SLC22A15: variants seen among roughly 807,000 people sequenced by gnomAD.
The protein encoded by SLC22A15 is solute carrier family 22 member 15.
A neutral mutation model predicts 62.7 loss-of-function variants in SLC22A15; 45 were observed. The observed-to-expected ratio is 0.72, with a 90% CI of 0.56 to 0.92. The LOEUF (loss-of-function observed/expected upper bound fraction) is 0.92. Ranked by LOEUF, SLC22A15 falls within the 40% of genes least tolerant of loss-of-function variation. SLC22A15 has a pLI of 0.00. For missense variants in SLC22A15, 622 were observed against 665.6 expected (o/e 0.93, Z 0.72); for synonymous variants, 264 against 267.0 (o/e 0.99, Z 0.11).
chr1:116,060,159 GCC>G (rs1658342143), intron 8 of SLC22A15, among the ~76,000 whole-genome samples: 3 of 152,262 alleles, frequency 2.0e-5, no homozygotes, highest in Admixed American at 2.0e-4. Flanking sequence ...CAGCCCAGCA[GCC>G]CCACAGGCAG....
intron 8 of SLC22A15, among the ~76,000 whole-genome samples, chr1:116,041,241 C>T (rs1011797366): frequency 1.3e-5 from 2 of 152,170 alleles, no homozygotes; most frequent in African/African-American, 4.8e-5. Flanking sequence ...TATTTGACTT[C>T]TCTAGTGTCT....
intron 2 of SLC22A15, among the ~76,000 whole-genome samples, chr1:116,003,560 C>T (rs1052364342): frequency 6.6e-6 from 1 of 152,198 alleles, no homozygotes; most frequent in Non-Finnish European, 1.5e-5. Flanking sequence ...TCTGTGGGCA[C>T]CAGCTGAATT....
At chr1:116,024,057 G>A (rs10802146) in intron 4 of SLC22A15, among the ~76,000 whole-genome samples, 77,761 of 152,054 alleles carry the variant, frequency 0.51, 21,628 homozygotes, top group Non-Finnish European at 0.64. Context: ...AGCCAGTGGG[G>A]CATATTAAAT....
intron 5 of SLC22A15, among the ~76,000 whole-genome samples, chr1:116,030,179 T>C (rs879461805): frequency 2.0e-5 from 3 of 152,232 alleles, no homozygotes; most frequent in Non-Finnish European, 4.4e-5. Flanking sequence ...TGAATATTCC[T>C]TTCCTCAGTA....
intron 1 of SLC22A15, among the ~76,000 whole-genome samples, chr1:115,979,501 A>T (rs567818197): frequency 6.6e-6 from 1 of 152,370 alleles, no homozygotes; most frequent in African/African-American, 2.4e-5. Context: ...TTGACTTATG[A>T]ATAAACAATA....
intron 11 of SLC22A15, 96 bp downstream of exon 11, chr1:116,066,804 G>T (rs1658510817): frequency 5.6e-6 from 7 of 1,246,916 alleles, no homozygotes; most frequent in South Asian, 1.6e-5. Flanking sequence ...GAGTAAAACT[G>T]CTGGAAAACA....
rs561723666 is a variant in SLC22A15, at chr1:116,032,572, C to G, written c.944+991C>G. ...AAGATATTTTTCTATATCATATACT[C>G]TTTTTCTACCCAAGCAGTGGCTGCC... On this transcript the variant is annotated intron_variant, in intron 6 of 11. Coordinates refer to ENST00000369503, the MANE Select transcript of SLC22A15 (RefSeq NM_018420.3). The G allele has an allele frequency of 1.0e-5, 10 of 985,418 alleles. No individual in the cohort carries two copies. In the African/African-American group the frequency reaches 1.7e-4, roughly 17 times the overall value. The allele number at this position is 985,418 out of a possible 1,614,324, so 61.0% of individuals were successfully genotyped here.
intron 2 of SLC22A15, among the ~76,000 whole-genome samples, chr1:116,008,403 A>G (rs1348044117): frequency 6.6e-6 from 1 of 152,238 alleles, no homozygotes; most frequent in African/African-American, 2.4e-5. Flanking sequence ...GTTGAACTAT[A>G]GAGTAGGGGT....
chr1:116,023,407 A>G (rs1656935352), intron 4 of SLC22A15, among the ~76,000 whole-genome samples: 1 of 152,224 alleles, frequency 6.6e-6, no homozygotes, highest in African/African-American at 2.4e-5. Flanking sequence ...GTAGAAAATA[A>G]TTAAGAAATA....
At chr1:116,061,527 T>C (rs1471036703) in intron 8 of SLC22A15, among the ~76,000 whole-genome samples, 1 of 151,960 alleles carries the variant, frequency 6.6e-6, no homozygotes, top group African/African-American at 2.4e-5. Context: ...GACAGGTGCA[T>C]TGGAGAAAAT....
At chr1:116,043,350 C>T (rs1248209262) in intron 8 of SLC22A15, among the ~76,000 whole-genome samples, 4 of 152,024 alleles carry the variant, frequency 2.6e-5, no homozygotes, top group Admixed American at 6.5e-5. Context: ...CCCTTGAACC[C>T]GGGAGGTGGA....
At chr1:115,984,391 C>T (rs1052387774) in intron 1 of SLC22A15, among the ~76,000 whole-genome samples, 1 of 152,150 alleles carries the variant, frequency 6.6e-6, no homozygotes, top group Non-Finnish European at 1.5e-5. Context: ...ATTCTTTGTG[C>T]TCTCATGAAC....
chr1:116,039,737 G>A (rs950201622), intron 8 of SLC22A15, among the ~76,000 whole-genome samples: 1 of 151,992 alleles, frequency 6.6e-6, no homozygotes, highest in African/African-American at 2.4e-5. Context: ...TTCTATGCTT[G>A]CAAAGTCTTC....
intron 8 of SLC22A15, among the ~76,000 whole-genome samples, chr1:116,049,082 A>C (rs1657993951): frequency 6.6e-6 from 1 of 152,224 alleles, no homozygotes; most frequent in Admixed American, 6.5e-5. Context: ...CTAACACTAG[A>C]GCTCTCAAAT....
chr1:115,993,010 T>A (rs967323835), intron 2 of SLC22A15, among the ~76,000 whole-genome samples: 1 of 152,156 alleles, frequency 6.6e-6, no homozygotes, highest in African/African-American at 2.4e-5. Flanking sequence ...CCACTTAGTA[T>A]GGTCAGGAAG....
intron 9 of SLC22A15, 88 bp from the exon 10 acceptor site, chr1:116,064,348 A>T (rs1321968643): frequency 1.4e-5 from 12 of 865,290 alleles, no homozygotes; most frequent in Admixed American, 1.2e-4. Context: ...ACTTCAGGAC[A>T]TGTTATTCAA....
Position 115,992,254 on chromosome 1 carries a change from G to A in SLC22A15, c.300+11G>A. ...TCCATCGCCTCGGAGGTAACAACAG[G>A]CTGTTTCAATCACTAAATAAATGTC... On this transcript the variant is annotated intron_variant, in intron 2 of 11. Coordinates refer to ENST00000369503, the MANE Select transcript of SLC22A15 (RefSeq NM_018420.3). The A allele has an allele frequency of 6.4e-7, 1 of 1,559,638 alleles. No homozygotes were observed. Among genetic ancestry groups the A allele is most frequent in the Non-Finnish European group, 8.7e-7 (1 of 1,150,148 alleles).
intron 1 of SLC22A15, among the ~76,000 whole-genome samples, chr1:115,985,619 G>C (rs1458241761): frequency 6.6e-6 from 1 of 151,938 alleles, no homozygotes; most frequent in Non-Finnish European, 1.5e-5. Context: ...GAAGAAGAAG[G>C]GATGGTCAGC....
rs1654320382 is a variant in SLC22A15 at position 115,976,831 on chromosome 1, G to T, written c.87+117G>T. On this transcript the variant is annotated intron_variant, in intron 1 of 11. Transcript: ENST00000369503. The stretch of plus-strand genomic sequence containing the variant: ...CCGAGGCCGAGGCTCTGCAAACACC[G>T]AGGTGTGGCGAGCGTCGGGGTGGGG... 5.4e-6 allele frequency: 4 copies of T among 746,326 alleles called. No homozygotes were observed. In the South Asian group the frequency reaches 6.8e-5, roughly 13 times the overall value. The allele number at this position is 746,326 out of a possible 1,614,324, so 46.2% of individuals were successfully genotyped here.
Sources: gnomAD v4.1 joint callset for allele counts (sites outside exome capture counted in the v4.1 genomes callset) on GRCh38, gnomAD v4.1.1 for gene constraint, MANE v1.5 for transcripts, NCBI Gene and HGNC (gene_info 2026-07-23, HGNC 2026-07-21) for gene names.